KATNBL1: variants seen among roughly 807,000 people sequenced by gnomAD.
The protein encoded by KATNBL1 is KATNB1-like protein 1.
A neutral mutation model predicts 44.7 loss-of-function variants in KATNBL1; 28 were observed. The observed-to-expected ratio is 0.63, with a 90% CI of 0.46 to 0.86. KATNBL1 has a LOEUF of 0.86. Ranked by LOEUF, KATNBL1 falls within the 40% of genes least tolerant of loss-of-function variation. KATNBL1 has a pLI of 0.00. For missense variants in KATNBL1, 272 were observed against 350.7 expected (o/e 0.78, Z 1.79); for synonymous variants, 78 against 114.9 (o/e 0.68, Z 2.06).
chr15:34,164,182 C>T (rs945133291), intron 1 of KATNBL1, among the ~76,000 whole-genome samples: 1 of 152,242 alleles, frequency 6.6e-6, no homozygotes. Flanking sequence ...GCATGGGCCA[C>T]TGTGCCCAGC....
chr15:34,147,002 T>C (rs1888329892), intron 7 of KATNBL1, 152 bp from the exon 8 acceptor site: 1 of 644,820 alleles, frequency 1.6e-6, no homozygotes, highest in African/African-American at 1.8e-5. Context: ...CACAAAAGTA[T>C]ATTTCATGTA....
rs888384140 is a variant in KATNBL1, at chr15:34,193,936, T to A, written c.-15+16015A>T. On this transcript the variant is annotated intron_variant, in intron 1 of 9. Transcript: ENST00000256544. The stretch of plus-strand genomic sequence containing the variant: ...CTTTTCCTCCCATGCAGTTTAGTTT[T>A]TCTTTGTCGTTTTTTATTTTTTTGA... Among the ~76,000 whole-genome samples the A allele has an allele frequency of 1.3e-5, 2 of 151,856 alleles. 1 individual carries two copies. Among genetic ancestry groups the A allele is most frequent in the African/African-American group, 4.8e-5 (2 of 41,362 alleles).
chr15:34,191,740 G>A (rs1305425167), intron 1 of KATNBL1, among the ~76,000 whole-genome samples: 1 of 151,902 alleles, frequency 6.6e-6, no homozygotes, highest in African/African-American at 2.4e-5. Context: ...GAGGTCAGGA[G>A]ATCAAGACCA....
intron 1 of KATNBL1, among the ~76,000 whole-genome samples, chr15:34,191,482 T>C (rs1434590367): frequency 1.3e-5 from 2 of 152,092 alleles, no homozygotes; most frequent in African/African-American, 2.4e-5. Flanking sequence ...GGTAGGTGTA[T>C]GTTAAACTTT....
At chr15:34,194,571 C>T (rs1160085159) in intron 1 of KATNBL1, among the ~76,000 whole-genome samples, 1 of 152,136 alleles carries the variant, frequency 6.6e-6, no homozygotes, top group African/African-American at 2.4e-5. Flanking sequence ...TGCAGTTAAG[C>T]TGAGATTGTG....
At chr15:34,198,750 T>C (rs184530149) in intron 1 of KATNBL1, among the ~76,000 whole-genome samples, 8 of 152,340 alleles carry the variant, frequency 5.3e-5, no homozygotes, top group Admixed American at 5.2e-4. Context: ...ATTCCTTTTT[T>C]AGGTGTATTT....
At chr15:34,205,809 T>C (rs905634591) in intron 1 of KATNBL1, among the ~76,000 whole-genome samples, 7 of 152,208 alleles carry the variant, frequency 4.6e-5, no homozygotes, top group Admixed American at 3.9e-4. Flanking sequence ...TAGGGAAACA[T>C]CAGTGGACCA....
At chr15:34,176,361 AG>A (rs1889332821) in intron 1 of KATNBL1, among the ~76,000 whole-genome samples, 1 of 152,128 alleles carries the variant, frequency 6.6e-6, no homozygotes, top group Admixed American at 6.6e-5. Context: ...CTGGGTAAGA[AG>A]AGTGAAACTT....
chr15:34,198,404 T>C (rs1890081867), intron 1 of KATNBL1: 1 of 152,218 alleles, frequency 6.6e-6, no homozygotes, highest in Non-Finnish European at 1.5e-5. Context: ...TGAGGATTTA[T>C]CTAAGAGCTT....
At chr15:34,197,108 A>C (rs778777178) in intron 1 of KATNBL1, among the ~76,000 whole-genome samples, 12 of 152,256 alleles carry the variant, frequency 7.9e-5, no homozygotes, top group Non-Finnish European at 1.5e-4. Context: ...GGTGGAGAAC[A>C]ACCACTATTT....
In KATNBL1 at chr15:34,172,256, C is replaced by CTTTTTTTTTT. The variant is rs59733560; in HGVS notation, c.-14-8576_-14-8567dup. 4.9e-3 allele frequency among the ~76,000 whole-genome samples: 477 copies of CTTTTTTTTTT among 96,588 alleles called. 38 individuals are homozygous for CTTTTTTTTTT. The highest frequency in any genetic ancestry group is 7.5e-3 in the Middle Eastern group (1 of 134). 63.4% of individuals were successfully genotyped at this position (96,588 alleles called of 152,430 possible). A position where few individuals can be genotyped will look rare whatever the true frequency, so the allele number is the denominator to read the frequency against. On this transcript the variant is annotated intron_variant, in intron 1 of 9. Coordinates refer to ENST00000256544, the MANE Select transcript of KATNBL1 (RefSeq NM_024713.3). The stretch of plus-strand genomic sequence containing the variant: ...ACAGAGTCCTTGGGAGGAACATATT[C>CTTTTTTTTTT]TTTTTTTTTTTTTTTTTTGAGATGG...
chr15:34,157,919 T>G (rs1888685825), intron 2 of KATNBL1, among the ~76,000 whole-genome samples: 1 of 152,226 alleles, frequency 6.6e-6, no homozygotes, highest in Non-Finnish European at 1.5e-5. Flanking sequence ...GGTATAATAT[T>G]TTCAACTAAT....
intron 1 of KATNBL1, among the ~76,000 whole-genome samples, chr15:34,183,103 AC>A (rs1476713347): frequency 3.3e-5 from 5 of 152,132 alleles, no homozygotes; most frequent in African/African-American, 1.2e-4. Flanking sequence ...GAAACTGGTT[AC>A]TCTTCAATCC....
At position 34,142,488 on chromosome 15, in the gene KATNBL1, G is replaced by T. The variant is rs1383144863; in HGVS notation, c.883-117C>A. The T allele has an allele frequency of 3.6e-6, 4 of 1,124,104 alleles. No individual in the cohort carries two copies. In the Admixed American group the frequency reaches 1.2e-4, roughly 33 times the overall value. 69.6% of individuals were successfully genotyped at this position (1,124,104 alleles called of 1,614,324 possible). ...TAGTTTCCTTTTGTGACCTTTTGAG[G>T]GTAAAAGACGTGCCTTGTTCAGTGC... is the stretch of plus-strand genomic sequence containing the variant. On this transcript the variant is annotated intron_variant, in intron 9 of 9. Coordinates refer to ENST00000256544, the MANE Select transcript of KATNBL1 (RefSeq NM_024713.3).
At chr15:34,201,479 T>C (rs913690271) in intron 1 of KATNBL1, among the ~76,000 whole-genome samples, 7 of 152,262 alleles carry the variant, frequency 4.6e-5, no homozygotes, top group African/African-American at 1.4e-4. Context: ...GCCTTTTGAA[T>C]TTTGTATAAT....
At chr15:34,199,960 C>G (rs1043280338) in intron 1 of KATNBL1, 2 of 152,196 alleles carry the variant, frequency 1.3e-5, no homozygotes, top group Non-Finnish European at 2.9e-5. Flanking sequence ...CTGATTGGCC[C>G]ATTTTACAGA....
intron 1 of KATNBL1, among the ~76,000 whole-genome samples, chr15:34,171,580 T>C (rs1427856703): frequency 6.6e-6 from 1 of 152,212 alleles, no homozygotes. Flanking sequence ...GTGATCCCAT[T>C]ACTGGGTATA....
intron 1 of KATNBL1, among the ~76,000 whole-genome samples, chr15:34,184,439 T>C (rs1333315561): frequency 2.0e-5 from 3 of 150,692 alleles, no homozygotes; most frequent in Non-Finnish European, 3.0e-5. Flanking sequence ...TGAACCGAGA[T>C]TGCGCCACTG....
At chr15:34,150,531 T>C (rs1056515598) in intron 4 of KATNBL1, among the ~76,000 whole-genome samples, 4 of 152,100 alleles carry the variant, frequency 2.6e-5, no homozygotes, top group Admixed American at 1.3e-4. Flanking sequence ...GAGGTGAAGG[T>C]TGCAGTGAGC....
Sources: allele counts gnomAD v4.1 joint callset (sites outside exome capture counted in the v4.1 genomes callset), GRCh38; gene constraint gnomAD v4.1.1; transcripts MANE v1.5; gene names NCBI Gene and HGNC (gene_info 2026-07-23, HGNC 2026-07-21).